The following PSME3IP1 variants were observed in gnomAD, a reference collection of about 807,000 sequenced individuals.
PSME3IP1 encodes PSME3-interacting protein.
Under a neutral mutation model 34.1 loss-of-function variants are expected in PSME3IP1, and 13 were observed. That is an observed-to-expected ratio of 0.38 (90% confidence interval 0.25 to 0.61). The LOEUF is 0.61. Among genes scored for constraint, PSME3IP1 ranks in the 20% least tolerant of loss-of-function variants. The pLI, the probability that PSME3IP1 is intolerant of heterozygous loss-of-function variation, is 0.60. For synonymous variants in PSME3IP1, 93 were observed against 114.3 expected, an observed-to-expected ratio of 0.81 and a Z score of 1.19; for missense variants, 237 against 301.4, an observed-to-expected ratio of 0.79 and a Z score of 1.58.
At chr16:57,161,697 A>C (rs2071259498) in intron 6 of PSME3IP1, among the ~76,000 whole-genome samples, 2 of 151,862 alleles carry the variant, frequency 1.3e-5, no homozygotes, top group South Asian at 4.2e-4. Context: ...TATTTTTAGT[A>C]GAGACGGGGT....
chr16:57,162,646 T>C lies in PSME3IP1; in HGVS notation c.547+1355A>G, dbSNP rs1024882358. On this transcript the variant is annotated intron_variant, in intron 6 of 6. Coordinates refer to ENST00000309137, the MANE Select transcript of PSME3IP1 (RefSeq NM_024946.4). ...CCCCACTACACTCTATCTTGGGTGA[T>C]AGAGCAAGACCCTGTCTCAAAAAAA... 3.0e-5 allele frequency among the ~76,000 whole-genome samples: 4 copies of C among 134,012 alleles called. No homozygotes were observed. In the East Asian group the frequency reaches 6.5e-4, roughly 22 times the overall value. The allele number at this position is 134,012 out of a possible 152,430, so 87.9% of individuals were successfully genotyped here.
At chr16:57,184,065 A>T (rs190501970) in intron 1 of PSME3IP1, among the ~76,000 whole-genome samples, 1 of 150,090 alleles carries the variant, frequency 6.7e-6, no homozygotes, top group Admixed American at 6.6e-5. Context: ...AAAAACTGTA[A>T]AAGTGTCACA....
chr16:57,178,925 G>C (rs1438345471), intron 1 of PSME3IP1: 1 of 410,372 alleles, frequency 2.4e-6, no homozygotes, highest in Non-Finnish European at 3.3e-6. Flanking sequence ...TAGAAAATTA[G>C]ATTGTGTTGA....
At chr16:57,185,603 G>A (rs1305833414) in intron 1 of PSME3IP1, 1 of 985,368 alleles carries the variant, frequency 1.0e-6, no homozygotes, top group Non-Finnish European at 1.2e-6. Flanking sequence ...CCGCCTGAAA[G>A]GGTCCTCGCC....
intron 4 of PSME3IP1, among the ~76,000 whole-genome samples, chr16:57,169,944 T>G (rs1419111907): frequency 6.6e-6 from 1 of 152,148 alleles, no homozygotes. Context: ...TAACTTCCCA[T>G]GAGCTTCCAT....
chr16:57,185,577 C>A, intron 1 of PSME3IP1: 1 of 985,582 alleles, frequency 1.0e-6, no homozygotes, highest in East Asian at 1.1e-4. Context: ...CCATTAAACG[C>A]CCGGCAGTGT....
At chr16:57,157,313 C>CAAAAA (rs751911757) in intron 6 of PSME3IP1, among the ~76,000 whole-genome samples, 1 of 76,850 alleles carries the variant, frequency 1.3e-5, no homozygotes, top group Admixed American at 1.5e-4. Context: ...AACCTATCTC[C>CAAAAA]AAAAAAAAAA....
intron 1 of PSME3IP1, chr16:57,185,507 C>A (rs2074095335): frequency 1.0e-6 from 1 of 985,418 alleles, no homozygotes; most frequent in Non-Finnish European, 1.2e-6. Flanking sequence ...ACCTCTGGAA[C>A]GGAGCCTGCT....
At chr16:57,166,307 T>A (rs1253488388) in intron 5 of PSME3IP1, among the ~76,000 whole-genome samples, 1 of 152,244 alleles carries the variant, frequency 6.6e-6, no homozygotes, top group Admixed American at 6.5e-5. Flanking sequence ...TGATGACATT[T>A]CAGGATTTGG....
At chr16:57,185,545 C>A in intron 1 of PSME3IP1, 1 of 985,516 alleles carries the variant, frequency 1.0e-6, no homozygotes, top group Non-Finnish European at 1.2e-6. Flanking sequence ...GTGGCCCTAC[C>A]TAGCAGAAAA....
chr16:57,176,967 G>A (rs2145892217), intron 1 of PSME3IP1, among the ~76,000 whole-genome samples: 1 of 152,140 alleles, frequency 6.6e-6, no homozygotes, highest in South Asian at 2.1e-4. Flanking sequence ...CGATTCTCCT[G>A]CCTCAGCCTC....
rs1318927056 is a variant in PSME3IP1, at chr16:57,186,021, T to G, written c.-216A>C. ...TTTCTTTTGACCCTTCAGGGCTTCCTGTTCCTCACCGCCACAATAGAGTCC... is the reference window on the plus strand; with the variant it reads ...TTTCTTTTGACCCTTCAGGGCTTCCGGTTCCTCACCGCCACAATAGAGTCC... On this transcript the variant is annotated 5_prime_UTR_variant, in exon 1 of 7. Transcript: ENST00000309137. The G allele has an allele frequency of 1.0e-6, 1 of 984,632 alleles. No individual in the cohort carries two copies. The highest frequency in any genetic ancestry group is 1.8e-5 in the African/African-American group (1 of 57,016). The allele number at this position is 984,632 out of a possible 1,614,324, so 61.0% of individuals were successfully genotyped here.
chr16:57,180,658 G>A (rs969781903), intron 1 of PSME3IP1, among the ~76,000 whole-genome samples: 8 of 151,872 alleles, frequency 5.3e-5, no homozygotes, highest in African/African-American at 1.9e-4. Context: ...TGCAATCTGA[G>A]CACTTTGGGA....
intron 6 of PSME3IP1, among the ~76,000 whole-genome samples, chr16:57,157,617 T>C (rs1383527496): frequency 3.3e-5 from 5 of 151,846 alleles, no homozygotes; most frequent in African/African-American, 1.2e-4. Flanking sequence ...CTTTTCTTTT[T>C]TTTCTTTTTT....
intron 6 of PSME3IP1, among the ~76,000 whole-genome samples, chr16:57,159,704 A>G (rs1451555947): frequency 2.0e-5 from 3 of 152,192 alleles, no homozygotes; most frequent in African/African-American, 7.2e-5. Flanking sequence ...AGGGATTTAG[A>G]ATGACAAAAA....
intron 4 of PSME3IP1, among the ~76,000 whole-genome samples, chr16:57,170,007 T>G (rs905034248): frequency 3.3e-5 from 5 of 151,916 alleles, no homozygotes; most frequent in African/African-American, 1.2e-4. Flanking sequence ...AAGCCAGGTC[T>G]TTTCCTACCA....
intron 4 of PSME3IP1, among the ~76,000 whole-genome samples, chr16:57,170,253 T>C (rs1291133849): frequency 6.6e-6 from 1 of 152,080 alleles, no homozygotes; most frequent in Non-Finnish European, 1.5e-5. Context: ...CGGCTAATTT[T>C]TGTATTTTTA....
chr16:57,177,741 G>T (rs2073324918), intron 1 of PSME3IP1, among the ~76,000 whole-genome samples: 1 of 152,160 alleles, frequency 6.6e-6, no homozygotes, highest in Admixed American at 6.5e-5. Flanking sequence ...GCTGGGCATG[G>T]TGGCTCATGC....
At chr16:57,162,684 AT>A (rs1286717138) in intron 6 of PSME3IP1, among the ~76,000 whole-genome samples, 1 of 151,398 alleles carries the variant, frequency 6.6e-6, no homozygotes, top group Admixed American at 6.6e-5. Context: ...AAAAAAAAAA[AT>A]TGTTGACGGT....
Sources: allele counts gnomAD v4.1 joint callset (sites outside exome capture counted in the v4.1 genomes callset), GRCh38; gene constraint gnomAD v4.1.1; transcripts MANE v1.5; gene names NCBI Gene and HGNC (gene_info 2026-07-23, HGNC 2026-07-21).